Variants in DLGAP1 observed in about 807,000 individuals in gnomAD.
DLGAP1 encodes the protein DLG associated protein 1.
In DLGAP1, 11 loss-of-function variants were observed where a neutral mutation model predicts 90.8. The ratio of observed to expected loss-of-function variants is 0.12; its 90% CI spans 0.08 to 0.20. The LOEUF is 0.20. DLGAP1 is among the 10% of genes least tolerant of loss of function. The probability of loss-of-function intolerance (pLI) is 1.00; values close to 1 mark genes in which losing one functional copy is unlikely to be tolerated. For missense variants in DLGAP1, 1,050 were observed against 1,333.8 expected (o/e 0.79, Z 3.31); for synonymous variants, 558 against 540.7 (o/e 1.03, Z -0.44).
intron 7 of DLGAP1, among the ~76,000 whole-genome samples, chr18:3,663,518 A>G (rs2059762069): frequency 6.6e-6 from 1 of 152,136 alleles, no homozygotes; most frequent in Admixed American, 6.6e-5. Flanking sequence ...ATATGAAGGA[A>G]AAGATGCTCT....
At chr18:3,977,372 T>G (rs1439913302) in intron 3 of DLGAP1, among the ~76,000 whole-genome samples, 1 of 151,944 alleles carries the variant, frequency 6.6e-6, no homozygotes, top group Non-Finnish European at 1.5e-5. Flanking sequence ...TTGCCCGGCC[T>G]TATTATTTTT....
intron 1 of DLGAP1, among the ~76,000 whole-genome samples, chr18:4,428,784 T>C (rs1029553320): frequency 6.6e-6 from 1 of 152,214 alleles, no homozygotes; most frequent in Non-Finnish European, 1.5e-5. Flanking sequence ...GTCTCAGGTA[T>C]TTCTTCATAA....
chr18:3,632,108 C>T (rs542588674), intron 7 of DLGAP1, among the ~76,000 whole-genome samples: 14 of 152,256 alleles, frequency 9.2e-5, no homozygotes, highest in African/African-American at 3.4e-4. Context: ...TTTACACTAT[C>T]AATGCCCATG....
intron 2 of DLGAP1, among the ~76,000 whole-genome samples, chr18:4,119,149 T>G (rs2076112163): frequency 6.6e-6 from 1 of 152,166 alleles, no homozygotes; most frequent in Non-Finnish European, 1.5e-5. Flanking sequence ...TAGAGTGCAG[T>G]GGCATGATCA....
intron 1 of DLGAP1, among the ~76,000 whole-genome samples, chr18:4,320,227 G>A (rs766948141): frequency 1.2e-4 from 18 of 152,166 alleles, no homozygotes; most frequent in Non-Finnish European, 2.1e-4. Flanking sequence ...ACAGCTGCTT[G>A]CGTCATTTTA....
chr18:4,057,095 C>A (rs60157515), intron 2 of DLGAP1, among the ~76,000 whole-genome samples: 3,235 of 149,272 alleles, frequency 0.022, 123 homozygotes, highest in African/African-American at 0.076. Context: ...ATGAGCAGGG[C>A]AGGAGAGGGG....
intron 4 of DLGAP1, among the ~76,000 whole-genome samples, chr18:3,877,837 C>T (rs2071042429): frequency 6.6e-6 from 1 of 152,178 alleles, no homozygotes; most frequent in South Asian, 2.1e-4. Flanking sequence ...TAACATGTAG[C>T]AACCTTACAG....
chr18:4,234,103 A>AT (rs200080373), intron 1 of DLGAP1, among the ~76,000 whole-genome samples: 10,286 of 138,730 alleles, frequency 0.074, 661 homozygotes, highest in African/African-American at 0.18. Context: ...CTTTTTTGCT[A>AT]TTTTTTTTTT....
rs1315479002 is a variant in DLGAP1 at position 3,727,620 on chromosome 18, A to G, written c.1591+1515T>C. ...GGGGTGGTGAAAATGGGACACACCA[A>G]AAGACATAGTGATAAGCTACAGGGA... On this transcript the variant is annotated intron_variant, in intron 7 of 12. Transcript: ENST00000315677. The surrounding 1 kb of genome is among the most constrained non-coding windows in gnomAD (Gnocchi z 4.7). 1 of 152,242 alleles carries G rather than the reference A, an allele frequency of 6.6e-6. No individual in the cohort carries two copies. The highest frequency in any genetic ancestry group is 1.5e-5 in the Non-Finnish European group (1 of 68,064). 9.4% of individuals were successfully genotyped at this position (152,242 alleles called of 1,614,324 possible).
intron 1 of DLGAP1, among the ~76,000 whole-genome samples, chr18:4,323,552 C>T (rs551257253): frequency 6.6e-6 from 1 of 152,074 alleles, no homozygotes; most frequent in African/African-American, 2.4e-5. Flanking sequence ...TGTCCATGAA[C>T]AAATAAACTA....
At chr18:4,230,313 C>T (rs1397707895) in intron 1 of DLGAP1, among the ~76,000 whole-genome samples, 1 of 151,952 alleles carries the variant, frequency 6.6e-6, no homozygotes, top group Non-Finnish European at 1.5e-5. Context: ...TTCGTATTAT[C>T]GAAGAGATAT....
chr18:3,767,927 A>G (rs758880440), intron 5 of DLGAP1, among the ~76,000 whole-genome samples: 2 of 152,124 alleles, frequency 1.3e-5, no homozygotes, highest in Admixed American at 6.5e-5. Flanking sequence ...TAGTATGGCA[A>G]GGAAATAAAA....
At chr18:3,913,709 A>C (rs16945625) in intron 3 of DLGAP1, among the ~76,000 whole-genome samples, 3 of 152,180 alleles carry the variant, frequency 2.0e-5, no homozygotes, top group Admixed American at 1.3e-4. Flanking sequence ...CTTAAAACTA[A>C]GTTTCACTCT....
intron 4 of DLGAP1, among the ~76,000 whole-genome samples, chr18:3,843,574 A>T (rs2148648103): frequency 6.6e-6 from 1 of 152,302 alleles, no homozygotes; most frequent in Non-Finnish European, 1.5e-5. Flanking sequence ...TAGCAGAATT[A>T]AATAAGCATA....
At chr18:3,741,124 C>CCACCACCAT (rs2062955972) in intron 6 of DLGAP1, among the ~76,000 whole-genome samples, 1 of 109,022 alleles carries the variant, frequency 9.2e-6, no homozygotes, top group Non-Finnish European at 2.0e-5. Flanking sequence ...ACCACCATCA[C>CCACCACCAT]CACCACCACC....
At chr18:3,788,274 GATA>G (rs1391614872) in intron 5 of DLGAP1, among the ~76,000 whole-genome samples, 1 of 152,210 alleles carries the variant, frequency 6.6e-6, no homozygotes, top group African/African-American at 2.4e-5. Flanking sequence ...GGGAAAAGAT[GATA>G]ATATGGCAGA....
chr18:3,646,752 G>A (rs1166417937), intron 7 of DLGAP1, among the ~76,000 whole-genome samples: 4 of 151,934 alleles, frequency 2.6e-5, no homozygotes, highest in East Asian at 2.0e-4. Flanking sequence ...GTGAAACCTC[G>A]TCTCTACTAA....
At chr18:3,881,732 T>C (rs910608020) in intron 3 of DLGAP1, among the ~76,000 whole-genome samples, 4 of 152,014 alleles carry the variant, frequency 2.6e-5, no homozygotes, top group African/African-American at 9.7e-5. Flanking sequence ...GCTAACACGG[T>C]GAAACCCCGT....
chr18:4,257,649 G>C (rs2078916570), intron 1 of DLGAP1, among the ~76,000 whole-genome samples: 1 of 149,768 alleles, frequency 6.7e-6, no homozygotes, highest in Non-Finnish European at 1.5e-5. Context: ...TTTTGAGATG[G>C]AGTGTCGCTC....
Sources: gnomAD v4.1 joint callset for allele counts (sites outside exome capture counted in the v4.1 genomes callset) on GRCh38, gnomAD v4.1.1 for gene constraint, Gnocchi (gnomAD v3.1) non-coding constraint, MANE v1.5 for transcripts, NCBI Gene and HGNC (gene_info 2026-07-23, HGNC 2026-07-21) for gene names.